CUX1: variants seen among roughly 807,000 people sequenced by gnomAD.
CUX1 encodes cut like homeobox 1, also known as protein CASP.
CUX1 carries 31 observed loss-of-function variants against 158.8 expected under a neutral mutation model. The ratio of observed to expected loss-of-function variants is 0.20; its 90% CI spans 0.15 to 0.26. The LOEUF is 0.26. Ranked by LOEUF, CUX1 falls within the 10% of genes least tolerant of loss-of-function variation. The pLI is 1.00. For synonymous variants in CUX1, 879 were observed against 862.1 expected, an observed-to-expected ratio of 1.02 and a Z score of -0.34; for missense variants, 1,589 against 2,014.6, an observed-to-expected ratio of 0.79 and a Z score of 4.04.
At chr7:102,222,447 CTG>C (rs1248701621) in intron 20 of CUX1, among the ~76,000 whole-genome samples, 1 of 152,110 alleles carries the variant, frequency 6.6e-6, no homozygotes, top group Non-Finnish European at 1.5e-5. Flanking sequence ...GTCTGAGCCT[CTG>C]TTTTCTCACC....
chr7:102,078,268 G>A (rs145789413), intron 4 of CUX1, among the ~76,000 whole-genome samples: 3,231 of 152,170 alleles, frequency 0.021, 50 homozygotes, highest in Middle Eastern at 0.078. Flanking sequence ...TAGAGATGGG[G>A]TCTTGCCATG....
intron 3 of CUX1, among the ~76,000 whole-genome samples, chr7:102,059,865 C>T (rs955279209): frequency 5.9e-5 from 9 of 152,074 alleles, no homozygotes; most frequent in Non-Finnish European, 1.3e-4. Context: ...CAGAGCTCAT[C>T]GATTTGAAAA....
chr7:101,826,303 A>G (rs770550053), intron 1 of CUX1, among the ~76,000 whole-genome samples: 21 of 151,832 alleles, frequency 1.4e-4, no homozygotes, highest in Admixed American at 1.3e-4. Flanking sequence ...GGCTCAAGCA[A>G]TCCTTCCACC....
chr7:102,240,410 A>G (rs1554534542), intron 23 of CUX1, among the ~76,000 whole-genome samples: 1 of 152,062 alleles, frequency 6.6e-6, no homozygotes, highest in Non-Finnish European at 1.5e-5. Context: ...CTAGGATGCC[A>G]ATGCACCACC....
At position 102,257,475 on chromosome 7, in the gene CUX1, A is replaced by C; in HGVS notation, c.*8433A>C. ...TGTGAGAATTCACCCAAAATTCTTA[A>C]AACATTGGAGAATAGCTTGTTATAA... is the stretch of plus-strand genomic sequence containing the variant. On this transcript the variant is annotated 3_prime_UTR_variant, in exon 24 of 24. Transcript: ENST00000292535. The C allele has an allele frequency of 1.0e-6, 1 of 985,412 alleles. No individual in the cohort carries two copies. The allele number at this position is 985,412 out of a possible 1,614,324, so 61.0% of individuals were successfully genotyped here. A position where few individuals can be genotyped will look rare whatever the true frequency, so the allele number is the denominator to read the frequency against.
intron 1 of CUX1, among the ~76,000 whole-genome samples, chr7:101,837,294 T>A (rs1794734864): frequency 6.6e-6 from 1 of 152,224 alleles, no homozygotes; most frequent in South Asian, 2.1e-4. Flanking sequence ...TTACAATGGT[T>A]AATATTCACT....
intron 8 of CUX1, among the ~76,000 whole-genome samples, chr7:102,144,029 A>G (rs1223586261): frequency 6.6e-6 from 1 of 151,490 alleles, no homozygotes; most frequent in Non-Finnish European, 1.5e-5. Flanking sequence ...CAATCCACCC[A>G]CCTCAGCCTC....
chr7:102,167,006 A>G (rs943527256), intron 9 of CUX1, among the ~76,000 whole-genome samples: 3 of 152,104 alleles, frequency 2.0e-5, no homozygotes, highest in African/African-American at 7.2e-5. Flanking sequence ...GGTGGCTCAC[A>G]CCTGTAATCC....
At chr7:101,992,583 A>G (rs1024965547) in intron 2 of CUX1, among the ~76,000 whole-genome samples, 18 of 152,166 alleles carry the variant, frequency 1.2e-4, no homozygotes, top group African/African-American at 4.1e-4. Context: ...TAAGATAAAG[A>G]AAAACATCCT....
chr7:102,089,211 T>G (rs1182730408), intron 4 of CUX1, among the ~76,000 whole-genome samples: 2 of 152,240 alleles, frequency 1.3e-5, no homozygotes, highest in African/African-American at 4.8e-5. Flanking sequence ...CCTCTCTGTA[T>G]TGTATTCATA....
At chr7:102,144,346 C>T (rs1395137051) in intron 8 of CUX1, among the ~76,000 whole-genome samples, 1 of 152,060 alleles carries the variant, frequency 6.6e-6, no homozygotes, top group African/African-American at 2.4e-5. Context: ...AAATTTCCGA[C>T]GTACGCGTGA....
chr7:101,867,723 G>C (rs1231836116), intron 1 of CUX1, among the ~76,000 whole-genome samples: 1 of 152,154 alleles, frequency 6.6e-6, no homozygotes, highest in Non-Finnish European at 1.5e-5. Flanking sequence ...CTCCATGTTA[G>C]AGAATTAAGC....
At chr7:101,935,726 G>A (rs1454179646) in intron 2 of CUX1, among the ~76,000 whole-genome samples, 1 of 152,220 alleles carries the variant, frequency 6.6e-6, no homozygotes, top group Non-Finnish European at 1.5e-5. Flanking sequence ...CACGAGGCGT[G>A]AGGAGGCTGG....
chr7:102,243,501 T>C (rs1365858205), intron 23 of CUX1, among the ~76,000 whole-genome samples: 4 of 151,170 alleles, frequency 2.6e-5, no homozygotes, highest in African/African-American at 7.3e-5. Context: ...ACGAAACAGG[T>C]GGAAGGAGAA....
At chr7:102,072,471 C>T (rs1423558067) in intron 4 of CUX1, among the ~76,000 whole-genome samples, 3 of 152,204 alleles carry the variant, frequency 2.0e-5, no homozygotes, top group East Asian at 3.8e-4. Context: ...CTTGGCCCTG[C>T]AATCAGTCTG....
chr7:102,214,852 TA>T (rs1554524103), intron 20 of CUX1, among the ~76,000 whole-genome samples: 5 of 152,276 alleles, frequency 3.3e-5, no homozygotes, highest in Non-Finnish European at 7.3e-5. Flanking sequence ...ACCGGATTCC[TA>T]AATATAGCCC....
intron 1 of CUX1, among the ~76,000 whole-genome samples, chr7:101,828,208 G>A (rs1793600912): frequency 6.6e-6 from 1 of 151,974 alleles, no homozygotes; most frequent in East Asian, 1.9e-4. Context: ...GACCTCAGAT[G>A]ATCTGTCCGC....
In CUX1 at chr7:101,817,814, T is replaced by TG; in HGVS notation, c.30+149dup. 2 of 956,110 alleles carry TG rather than the reference T, an allele frequency of 2.1e-6. No individual in the cohort carries two copies. Among genetic ancestry groups the TG allele is most frequent in the Non-Finnish European group, 3.0e-6 (2 of 670,700 alleles). 59.2% of individuals were successfully genotyped at this position (956,110 alleles called of 1,614,324 possible). A position where few individuals can be genotyped will look rare whatever the true frequency, so the allele number is the denominator to read the frequency against. On this transcript the variant is annotated intron_variant, in intron 1 of 23. Coordinates refer to ENST00000292535, the MANE Select transcript of CUX1 (RefSeq NM_181552.4). The surrounding 1 kb of genome is among the most constrained non-coding windows in gnomAD (Gnocchi z 4.1). ...GGATAGGAGGGTTCCTCAGGGCCCC[T>TG]GGGGAACTGCAGCTACTCCCAACTG...
In CUX1 at chr7:102,196,693, G is replaced by T; in HGVS notation, c.1282G>T (p.Ala428Ser). ...PESRRPGSLPAPPPSQLPRNP... is the reference protein window; with the variant it reads ...PESRRPGSLPSPPPSQLPRNP... Reference sequence around the variant, plus strand: ...AAGTCGGCGCCCGGGATCTTTGCCGGCCCCCCCTCCTTCTCAGTTGCCCCG... The same window carrying T: ...AAGTCGGCGCCCGGGATCTTTGCCGTCCCCCCCTCCTTCTCAGTTGCCCCG... The change falls in exon 15 of 24, where the codon GCC (alanine) becomes TCC (serine). Residue 428 changes from alanine to serine, a missense_variant. Ala to Ser is a moderately conservative substitution (Grantham distance 99). Transcript: ENST00000292535. 3 of 1,603,566 alleles carry T rather than the reference G, an allele frequency of 1.9e-6. No homozygotes were observed. The highest frequency in any genetic ancestry group is 2.6e-6 in the Non-Finnish European group (3 of 1,174,262).
Sources: gnomAD v4.1 joint callset for allele counts (sites outside exome capture counted in the v4.1 genomes callset) on GRCh38, gnomAD v4.1.1 for gene constraint, Gnocchi (gnomAD v3.1) non-coding constraint, MANE v1.5 for transcripts, NCBI Gene and HGNC (gene_info 2026-07-23, HGNC 2026-07-21) for gene names.